Variants in E2F4 observed in about 807,000 individuals in gnomAD.
The protein encoded by E2F4 is transcription factor E2F4.
E2F4 carries 16 observed loss-of-function variants against 44.5 expected under a neutral mutation model. That is an observed-to-expected ratio of 0.36 (90% CI 0.24 to 0.55). The LOEUF (loss-of-function observed/expected upper bound fraction) is 0.55, where lower values mean the gene tolerates loss of function less well. Ranked by LOEUF, E2F4 falls within the 20% of genes least tolerant of loss-of-function variation. The pLI, the probability that E2F4 is intolerant of heterozygous loss-of-function variation, is 0.87. For synonymous variants in E2F4, 242 were observed against 207.2 expected (o/e 1.17, Z -1.44); for missense variants, 473 against 522.1 (o/e 0.91, Z 0.92).
intron 6 of E2F4, 122 bp downstream of exon 6, chr16:67,195,102 A>G (rs529986034): frequency 1.6e-6 from 2 of 1,262,458 alleles, no homozygotes; most frequent in Admixed American, 5.4e-5. Context: ...CTGACCACCT[A>G]GCCTTCCCTT....
chr16:67,192,546 G>T, intron 1 of E2F4, 184 bp downstream of exon 1: 1 of 1,059,120 alleles, frequency 9.4e-7, no homozygotes, highest in Non-Finnish European at 1.3e-6. Context: ...ACAGCTATGG[G>T]CCAGGCTCGG....
intron 7 of E2F4, 149 bp downstream of exon 7, chr16:67,196,155 G>GGGGCACCAGCAC: frequency 3.3e-6 from 4 of 1,218,176 alleles, no homozygotes; most frequent in Non-Finnish European, 4.7e-6. Flanking sequence ...GTCAGTGCTG[G>GGGGCACCAGCAC]TGCCCCCTCT....
chr16:67,192,257 G>GC lies in E2F4; in HGVS notation c.35dup (p.Thr14HisfsTer29). 7.8e-7 allele frequency: 1 copy of GC among 1,282,812 alleles called. No homozygotes were observed. The highest frequency in any genetic ancestry group is 2.9e-5 in the South Asian group (1 of 33,948). The allele number at this position is 1,282,812 out of a possible 1,614,324, so 79.5% of individuals were successfully genotyped here. A position where few individuals can be genotyped will look rare whatever the true frequency, so the allele number is the denominator to read the frequency against. ...CGGAGGCCGGGCCACAGGCGCCGCCGCCCCCGGGCACTCCAAGCCGGCACG... is the reference window on the plus strand; with the variant it reads ...CGGAGGCCGGGCCACAGGCGCCGCCGCCCCCCGGGCACTCCAAGCCGGCACG... On this transcript the variant is annotated frameshift_variant, in exon 1 of 10. Coordinates refer to ENST00000379378, the MANE Select transcript of E2F4 (RefSeq NM_001950.4). LOFTEE classifies it high-confidence loss of function.
intron 8 of E2F4, 87 bp downstream of exon 8, chr16:67,197,733 CTTG>C: frequency 6.3e-7 from 1 of 1,598,628 alleles, no homozygotes; most frequent in Non-Finnish European, 8.6e-7. Flanking sequence ...TTTTGAGGAC[CTTG>C]TTGTGGCGCT....
intron 3 of E2F4, 104 bp from the exon 4 acceptor site, chr16:67,193,368 T>C (rs756530104): frequency 1.3e-5 from 20 of 1,519,376 alleles, no homozygotes; most frequent in Non-Finnish European, 1.7e-5. Context: ...CCCAGAACGG[T>C]CTCTGAGGGC....
intron 7 of E2F4, among the ~76,000 whole-genome samples, chr16:67,196,628 G>A (rs2032973751): frequency 6.6e-6 from 1 of 152,160 alleles, no homozygotes; most frequent in African/African-American, 2.4e-5. Flanking sequence ...CTGGGTGAAC[G>A]AATCCCCAGC....
chr16:67,195,621 C>A, intron 6 of E2F4, 161 bp from the exon 7 acceptor site: 1 of 1,440,562 alleles, frequency 6.9e-7, no homozygotes, highest in Non-Finnish European at 9.3e-7. Flanking sequence ...CCTGTGGTGA[C>A]TAATTTCAGG....
Position 67,192,305 on chromosome 16 carries a change from C to A in E2F4, c.78C>A (p.Thr26=). Residue 26 remains threonine (T), a synonymous_variant, in exon 1 of 10, where the codon ACC becomes ACA. Transcript: ENST00000379378. The stretch of plus-strand genomic sequence containing the variant: ...ACGAAAAGAGCCTGGGACTGCTCAC[C>A]ACCAAGTTCGTGTCCCTTCTGCAGG... ...SRHEKSLGLL[T]TKFVSLLQEA... The A allele has an allele frequency of 7.0e-7, 1 of 1,421,910 alleles. No individual in the cohort carries two copies. Among genetic ancestry groups the A allele is most frequent in the Non-Finnish European group, 9.2e-7 (1 of 1,084,942 alleles). The allele number at this position is 1,421,910 out of a possible 1,614,324, so 88.1% of individuals were successfully genotyped here.
rs1229670951 is a variant in E2F4 at position 67,198,445 on chromosome 16, G to A, written c.*322G>A. 1 of 341,104 alleles carries A rather than the reference G, an allele frequency of 2.9e-6. No individual in the cohort carries two copies. The highest frequency in any genetic ancestry group is 6.6e-5 in the East Asian group (1 of 15,102). 21.1% of individuals were successfully genotyped at this position (341,104 alleles called of 1,614,324 possible). On this transcript the variant is annotated 3_prime_UTR_variant, in exon 10 of 10. Transcript: ENST00000379378. ...GGAGCTGCCATTACCCCCCATAGGGGGCAGTGTCTTGTTCCTGCCAGCCTC... is the reference window on the plus strand; with the variant it reads ...GGAGCTGCCATTACCCCCCATAGGGAGCAGTGTCTTGTTCCTGCCAGCCTC...
At position 67,192,763 on chromosome 16, in the gene E2F4, A is replaced by G. The variant is rs776262453; in HGVS notation, c.138A>G (p.Ala46=). The change falls in exon 2 of 10, where the codon GCA becomes GCG. Residue 46 remains alanine (A), a splice_region_variant and synonymous_variant. Transcript: ENST00000379378. Reference sequence around the variant, plus strand: ...GCATTCTCCATTCTCTCTGCCAGGCAGCTGACACCCTAGCTGTACGCCAGA... The same window carrying G: ...GCATTCTCCATTCTCTCTGCCAGGCGGCTGACACCCTAGCTGTACGCCAGA... The part of the protein sequence containing the change: ...AKDGVLDLKL[A]ADTLAVRQKR... The G allele has an allele frequency of 3.1e-6, 5 of 1,609,760 alleles. No homozygotes were observed. The Admixed American group carries it at 6.7e-5, about 22-fold the overall frequency.
intron 3 of E2F4, 80 bp from the exon 4 acceptor site, chr16:67,193,392 C>T (rs771684145): frequency 1.3e-6 from 2 of 1,576,946 alleles, no homozygotes; most frequent in Middle Eastern, 1.7e-4. Context: ...TGTGTCAGAC[C>T]TTAGCTAAAG....
chr16:67,193,239 C>T, intron 3 of E2F4, 69 bp downstream of exon 3: 1 of 1,531,900 alleles, frequency 6.5e-7, no homozygotes, highest in Non-Finnish European at 8.8e-7. Context: ...GCCCTGAGTC[C>T]TGTTCCTCTT....
Position 67,198,431 on chromosome 16 carries a change from T to TA in E2F4, c.*309dup. The TA allele has an allele frequency of 5.5e-6, 2 of 365,948 alleles. No homozygotes were observed. Among genetic ancestry groups the TA allele is most frequent in the Non-Finnish European group, 1.0e-5 (2 of 194,476 alleles). The allele number at this position is 365,948 out of a possible 1,614,324, so 22.7% of individuals were successfully genotyped here. ...TGGCACAGAACCGAGGAGCTGCCAT[T>TA]ACCCCCCATAGGGGGCAGTGTCTTG... On this transcript the variant is annotated 3_prime_UTR_variant, in exon 10 of 10. Coordinates refer to ENST00000379378, the MANE Select transcript of E2F4 (RefSeq NM_001950.4).
rs1297857460 is a variant in E2F4, at chr16:67,192,174, G to A, written c.-54G>A. ...GCGGCCAGGAACGGAAGCGGAAGTGGCGGCGGCGCCGGCCTGGCCTGGCCT... is the reference window on the plus strand; with the variant it reads ...GCGGCCAGGAACGGAAGCGGAAGTGACGGCGGCGCCGGCCTGGCCTGGCCT... On this transcript the variant is annotated 5_prime_UTR_variant, in exon 1 of 10. Coordinates refer to ENST00000379378, the MANE Select transcript of E2F4 (RefSeq NM_001950.4). The A allele has an allele frequency of 8.3e-7, 1 of 1,199,408 alleles. No individual in the cohort carries two copies. Among genetic ancestry groups the A allele is most frequent in the Non-Finnish European group, 1.0e-6 (1 of 966,336 alleles). 74.3% of individuals were successfully genotyped at this position (1,199,408 alleles called of 1,614,324 possible).
chr16:67,197,545 T>G, intron 7 of E2F4, 54 bp from the exon 8 acceptor site: 1 of 1,595,786 alleles, frequency 6.3e-7, no homozygotes, highest in Non-Finnish European at 8.6e-7. Flanking sequence ...CAGGGGGCTG[T>G]AGTGGGGCCA....
chr16:67,197,630 C>G lies in E2F4; in HGVS notation c.1065C>G (p.Ile355Met), dbSNP rs189616961. 18 of 1,614,194 alleles carry G rather than the reference C, an allele frequency of 1.1e-5. No individual in the cohort carries two copies. In the East Asian group the frequency reaches 3.8e-4, roughly 34 times the overall value. ...AACTCCCCAAAGAGCTGTCAGAAAT[C>G]TTTGATCCCACACGAGGTAGGCTGC... ...VLELPKELSE[I>M]FDPTRECMSS... Residue 355 changes from isoleucine (I) to methionine (M), a missense_variant, in exon 8 of 10, where the codon ATC becomes ATG. Ile to Met is a conservative substitution (Grantham distance 10). This residue lies in a region of E2F4 where 314 missense variants were observed against 315.6 expected (regional missense o/e 0.99). Coordinates refer to ENST00000379378, the MANE Select transcript of E2F4 (RefSeq NM_001950.4).
At position 67,192,830 on chromosome 16, in the gene E2F4, G is replaced by A; in HGVS notation, c.205G>A (p.Gly69Arg). 2 of 1,612,782 alleles carry A rather than the reference G, an allele frequency of 1.2e-6. No individual in the cohort carries two copies. The highest frequency in any genetic ancestry group is 1.1e-5 in the South Asian group (1 of 90,774). The change falls in exon 2 of 10, where the codon GGG becomes AGG. Residue 69 changes from glycine (G) to arginine (R), a missense_variant. This residue lies in a region of E2F4 where 119 missense variants were observed against 175.6 expected (regional missense o/e 0.68). Coordinates refer to ENST00000379378, the MANE Select transcript of E2F4 (RefSeq NM_001950.4). ...CATTACCAATGTTTTGGAAGGTATC[G>A]GGCTAATCGAGAAAAAGTCCAAGAA... The part of the protein sequence containing the change: ...YDITNVLEGI[G>R]LIEKKSKNSI...
chr16:67,194,102 G>A, intron 4 of E2F4: 1 of 404,880 alleles, frequency 2.5e-6, no homozygotes. Flanking sequence ...GGAAAGGGAT[G>A]TTGGCCTTGG....
intron 6 of E2F4, among the ~76,000 whole-genome samples, 167 bp downstream of exon 6, chr16:67,195,147 T>C (rs2032947776): frequency 6.6e-6 from 1 of 152,236 alleles, no homozygotes; most frequent in Non-Finnish European, 1.5e-5. Context: ...TTGTTTTTGT[T>C]TTTGAGACGG....
Sources: allele counts gnomAD v4.1 joint callset (sites outside exome capture counted in the v4.1 genomes callset), GRCh38; gene constraint gnomAD v4.1.1; regional missense constraint gnomAD v4.1.1; transcripts MANE v1.5; gene names NCBI Gene and HGNC (gene_info 2026-07-23, HGNC 2026-07-21).